NADSYN1: variants seen among roughly 807,000 people sequenced by gnomAD.
The protein encoded by NADSYN1 is glutamine-dependent NAD(+) synthetase.
NADSYN1 carries 80 observed loss-of-function variants against 99.3 expected under a neutral mutation model. The observed-to-expected ratio is 0.81, with a 90% CI of 0.67 to 0.97. The LOEUF is 0.97. NADSYN1 is among the 50% of genes least tolerant of loss of function. The pLI is 0.00. For synonymous variants in NADSYN1, 385 were observed against 372.1 expected, an observed-to-expected ratio of 1.03 and a Z score of -0.40; for missense variants, 859 against 948.5, an observed-to-expected ratio of 0.91 and a Z score of 1.24.
intron 5 of NADSYN1, among the ~76,000 whole-genome samples, chr11:71,468,045 C>G (rs1949604298): frequency 6.6e-6 from 1 of 152,172 alleles, no homozygotes; most frequent in African/African-American, 2.4e-5. Flanking sequence ...AAGCCTGGAG[C>G]CAGGAGACGG....
intron 18 of NADSYN1, among the ~76,000 whole-genome samples, chr11:71,494,331 T>C (rs1949804642): frequency 6.6e-6 from 1 of 152,178 alleles, no homozygotes; most frequent in Non-Finnish European, 1.5e-5. Context: ...CCCAGAGTAT[T>C]CAGTACAGCA....
intron 3 of NADSYN1, among the ~76,000 whole-genome samples, chr11:71,462,591 C>A (rs1949557665): frequency 1.3e-5 from 2 of 152,284 alleles, no homozygotes; most frequent in South Asian, 4.1e-4. Context: ...AGGAGTGCAT[C>A]CTTCACCTGG....
rs749801544 is a variant in NADSYN1, at chr11:71,469,927, G to GAAAAAAAAAAAAAAAA, written c.408-2520_408-2505dup. On this transcript the variant is annotated intron_variant, in intron 5 of 20. Transcript: ENST00000319023. The stretch of plus-strand genomic sequence containing the variant: ...GAAGACAGAACAAGAGCCTGTCTCA[G>GAAAAAAAAAAAAAAAA]AAAAAAAAAAAAAAAAAGACGTGTG... 1.0e-4 allele frequency among the ~76,000 whole-genome samples: 11 copies of GAAAAAAAAAAAAAAAA among 109,158 alleles called. 1 individual carries two copies. The highest frequency in any genetic ancestry group is 1.5e-4 in the African/African-American group (4 of 26,000). 71.6% of individuals were successfully genotyped at this position (109,158 alleles called of 152,430 possible). A position where few individuals can be genotyped will look rare whatever the true frequency, so the allele number is the denominator to read the frequency against.
In NADSYN1 at chr11:71,453,225, A is replaced by T; in HGVS notation, c.-72A>T. The T allele has an allele frequency of 2.1e-6, 3 of 1,402,576 alleles. No individual in the cohort carries two copies. The highest frequency in any genetic ancestry group is 4.8e-5 in the East Asian group (2 of 41,336). The allele number at this position is 1,402,576 out of a possible 1,614,324, so 86.9% of individuals were successfully genotyped here. ...GGCAACCCGGAAGGTCCGGCGTCCC[A>T]GCCGCCTACCTCGCTGGGACCCTGG... On this transcript the variant is annotated 5_prime_UTR_variant, in exon 1 of 21. Coordinates refer to ENST00000319023, the MANE Select transcript of NADSYN1 (RefSeq NM_018161.5).
Position 71,480,891 on chromosome 11 carries a change from C to A in NADSYN1, c.998+12C>A. 1.2e-6 allele frequency: 2 copies of A among 1,613,586 alleles called. No individual in the cohort carries two copies. ...GAGGAGGAGATAAGGTGTGTGGCCCCTGACCCCTGGGAGGGACCTGGCGTC... is the reference window on the plus strand; with the variant it reads ...GAGGAGGAGATAAGGTGTGTGGCCCATGACCCCTGGGAGGGACCTGGCGTC... On this transcript the variant is annotated intron_variant, in intron 11 of 20. Coordinates refer to ENST00000319023, the MANE Select transcript of NADSYN1 (RefSeq NM_018161.5).
At chr11:71,475,920 C>A in intron 9 of NADSYN1, 1 of 425,804 alleles carries the variant, frequency 2.3e-6, no homozygotes, top group Non-Finnish European at 4.7e-6. Context: ...CACTGTGTTG[C>A]CCCGGCTGGT....
At chr11:71,491,732 C>A in intron 17 of NADSYN1, 102 bp from the exon 18 acceptor site, 1 of 1,076,516 alleles carries the variant, frequency 9.3e-7, no homozygotes. Flanking sequence ...AACGGAGTGG[C>A]CGGGACCAGC....
At chr11:71,491,404 G>GC (rs1418763040) in intron 17 of NADSYN1, among the ~76,000 whole-genome samples, 4 of 151,532 alleles carry the variant, frequency 2.6e-5, no homozygotes, top group Non-Finnish European at 5.9e-5. Flanking sequence ...GAGTGACTGT[G>GC]CCCCCCAGGG....
Position 71,501,572 on chromosome 11 carries a change from C to A in NADSYN1, c.*220C>A. 1 of 548,578 alleles carries A rather than the reference C, an allele frequency of 1.8e-6. No individual in the cohort carries two copies. The highest frequency in any genetic ancestry group is 2.5e-5 in the South Asian group (1 of 40,574). The allele number at this position is 548,578 out of a possible 1,614,324, so 34.0% of individuals were successfully genotyped here. ...AATCCAATGCACATGATTTTGACCT[C>A]CCGCCAGCGTGCGCTTCCCCGCGAA... On this transcript the variant is annotated 3_prime_UTR_variant, in exon 21 of 21. Transcript: ENST00000319023.
chr11:71,484,974 TGTGG>T (rs762139666), intron 15 of NADSYN1: 6 of 173,990 alleles, frequency 3.4e-5, no homozygotes, highest in Admixed American at 5.5e-5. Flanking sequence ...CCTGTGAGCA[TGTGG>T]GTGGGTGGGT....
chr11:71,484,341 C>T lies in NADSYN1; in HGVS notation c.1349C>T (p.Ala450Val), dbSNP rs1565604329. 1 of 1,614,198 alleles carries T rather than the reference C, an allele frequency of 6.2e-7. No individual in the cohort carries two copies. Among genetic ancestry groups the T allele is most frequent in the Non-Finnish European group, 8.5e-7 (1 of 1,180,010 alleles). The change falls in exon 15 of 21, where the codon GCC (alanine) becomes GTC (valine). Residue 450 changes from alanine (A) to valine (V), a missense_variant. By Grantham distance (64) the Ala-to-Val change is moderately conservative. Coordinates refer to ENST00000319023, the MANE Select transcript of NADSYN1 (RefSeq NM_018161.5). ...SHHISLNIDPAVKAVMGIFSL... is the reference protein window; with the variant it reads ...SHHISLNIDPVVKAVMGIFSL... ...CACATCAGTCTCAACATCGATCCAG[C>T]CGTGAAGGCCGTCATGGGCATCTTC... is the stretch of plus-strand genomic sequence containing the variant.
intron 5 of NADSYN1, among the ~76,000 whole-genome samples, chr11:71,471,640 C>T (rs922751089): frequency 2.0e-5 from 3 of 152,192 alleles, no homozygotes; most frequent in Non-Finnish European, 4.4e-5. Context: ...GCATCGCCGT[C>T]AACAGGCTAC....
chr11:71,460,718 C>G (rs1257362373), intron 3 of NADSYN1: 1 of 152,072 alleles, frequency 6.6e-6, no homozygotes, highest in African/African-American at 2.4e-5. Flanking sequence ...CTTTTGAAAT[C>G]TAGCATTTTT....
At chr11:71,458,175 TAG>T (rs1426465539) in intron 2 of NADSYN1, among the ~76,000 whole-genome samples, 1 of 152,184 alleles carries the variant, frequency 6.6e-6, no homozygotes, top group African/African-American at 2.4e-5. Flanking sequence ...CACTTCCTGA[TAG>T]AGAGAGAGTT....
intron 16 of NADSYN1, among the ~76,000 whole-genome samples, chr11:71,486,623 C>T (rs1949744725): frequency 6.6e-6 from 1 of 152,018 alleles, no homozygotes; most frequent in Non-Finnish European, 1.5e-5. Flanking sequence ...GTCTGTCCAT[C>T]CACCCATCTG....
intron 14 of NADSYN1, 99 bp downstream of exon 14, chr11:71,483,116 A>G: frequency 7.0e-7 from 1 of 1,422,046 alleles, no homozygotes; most frequent in Non-Finnish European, 9.8e-7. Context: ...GGCTTCATTC[A>G]TTCCGCATCG....
intron 3 of NADSYN1, among the ~76,000 whole-genome samples, chr11:71,459,403 A>G (rs1361642045): frequency 7.4e-6 from 1 of 135,536 alleles, no homozygotes; most frequent in African/African-American, 2.9e-5. Flanking sequence ...AGCCACCCCT[A>G]TGGAGGCCTC....
rs758292530 is a variant in NADSYN1, at chr11:71,480,886, G to C, written c.998+7G>C. 6.2e-7 allele frequency: 1 copy of C among 1,613,874 alleles called. No individual in the cohort carries two copies. Among genetic ancestry groups the C allele is most frequent in the Non-Finnish European group, 8.5e-7 (1 of 1,179,858 alleles). Reference sequence around the variant, plus strand: ...GCCCTGAGGAGGAGATAAGGTGTGTGGCCCCTGACCCCTGGGAGGGACCTG... The same window carrying C: ...GCCCTGAGGAGGAGATAAGGTGTGTCGCCCCTGACCCCTGGGAGGGACCTG... On this transcript the variant is annotated splice_region_variant and intron_variant, in intron 11 of 20. Coordinates refer to ENST00000319023, the MANE Select transcript of NADSYN1 (RefSeq NM_018161.5).
At chr11:71,477,745 C>T (rs955960653) in intron 9 of NADSYN1, among the ~76,000 whole-genome samples, 3 of 152,294 alleles carry the variant, frequency 2.0e-5, no homozygotes, top group East Asian at 3.9e-4. Flanking sequence ...GTGTGGATGC[C>T]GGGGCTGCGG....
Sources: allele counts gnomAD v4.1 joint callset (sites outside exome capture counted in the v4.1 genomes callset), GRCh38; gene constraint gnomAD v4.1.1; transcripts MANE v1.5; gene names NCBI Gene and HGNC (gene_info 2026-07-23, HGNC 2026-07-21).